Variants in SLCO3A1 observed in about 807,000 individuals in gnomAD.
SLCO3A1 encodes the protein PGE1 transporter.
A neutral mutation model predicts 63.1 loss-of-function variants in SLCO3A1; 27 were observed. The observed-to-expected ratio is 0.43, with a 90% confidence interval of 0.32 to 0.59. The LOEUF is 0.59. Among genes scored for constraint, SLCO3A1 ranks in the 20% least tolerant of loss-of-function variants. The pLI is 0.09. For missense variants in SLCO3A1, 773 were observed against 945.8 expected, an observed-to-expected ratio of 0.82 and a Z score of 2.40; for synonymous variants, 473 against 409.9, an observed-to-expected ratio of 1.15 and a Z score of -1.86.
chr15:92,168,665 T>C (rs1347533498), downstream of SLCO3A1, among the ~76,000 whole-genome samples: 4 of 152,136 alleles, frequency 2.6e-5, no homozygotes, highest in South Asian at 6.2e-4. Context: ...AGGGCATACA[T>C]AGGAAGGGAC....
At chr15:91,938,482 G>GTTTTTTTTTTTTT (rs71156621) in intron 2 of SLCO3A1, among the ~76,000 whole-genome samples, 1 of 136,248 alleles carries the variant, frequency 7.3e-6, no homozygotes, top group African/African-American at 2.7e-5. Flanking sequence ...GGTTTTTTTT[G>GTTTTTTTTTTTTT]TTTTTTTTTT....
chr15:92,044,628 G>A (rs562787242), intron 2 of SLCO3A1, among the ~76,000 whole-genome samples: 3 of 152,018 alleles, frequency 2.0e-5, no homozygotes, highest in Non-Finnish European at 4.4e-5. Flanking sequence ...AGGTCCATGT[G>A]TCTTCAGGTC....
chr15:91,988,446 GTTATT>G (rs1284828664), intron 2 of SLCO3A1, among the ~76,000 whole-genome samples: 5 of 152,074 alleles, frequency 3.3e-5, no homozygotes, highest in African/African-American at 1.2e-4. Flanking sequence ...ATTTTTAAAT[GTTATT>G]TTATTTTATT....
At chr15:92,120,090 C>G (rs1262380016) in intron 4 of SLCO3A1, among the ~76,000 whole-genome samples, 8 of 151,992 alleles carry the variant, frequency 5.3e-5, no homozygotes, top group African/African-American at 1.9e-4. Flanking sequence ...CACACACACA[C>G]ACACATTTTT....
rs1245676234 is a variant in SLCO3A1, at chr15:92,163,147, G to A, written c.*12G>A. 12 of 1,497,650 alleles carry A rather than the reference G, an allele frequency of 8.0e-6. No individual in the cohort carries two copies. Among genetic ancestry groups the A allele is most frequent in the Admixed American group, 2.4e-5 (1 of 41,910 alleles). 92.8% of individuals were successfully genotyped at this position (1,497,650 alleles called of 1,614,324 possible). A position where few individuals can be genotyped will look rare whatever the true frequency, so the allele number is the denominator to read the frequency against. ...AGTCCGTTTTATAGTGACTAAAGGAGGGCTGAACTCTGTATTAGTAATCCA... is the reference window on the plus strand; with the variant it reads ...AGTCCGTTTTATAGTGACTAAAGGAAGGCTGAACTCTGTATTAGTAATCCA... On this transcript the variant is annotated 3_prime_UTR_variant, in exon 10 of 10. Coordinates refer to ENST00000318445, the MANE Select transcript of SLCO3A1 (RefSeq NM_013272.4).
At chr15:92,148,586 A>G (rs1442210078) in intron 8 of SLCO3A1, among the ~76,000 whole-genome samples, 1 of 152,334 alleles carries the variant, frequency 6.6e-6, no homozygotes, top group Admixed American at 6.5e-5. Context: ...ACAAAATCAC[A>G]AATTGCTGGT....
At chr15:91,989,380 G>A (rs1016130353) in intron 2 of SLCO3A1, among the ~76,000 whole-genome samples, 30 of 152,194 alleles carry the variant, frequency 2.0e-4, no homozygotes, top group Non-Finnish European at 4.3e-4. Context: ...CTTACCTTCT[G>A]CAGTTTTGTG....
intron 7 of SLCO3A1, among the ~76,000 whole-genome samples, chr15:92,145,333 A>G (rs1428575727): frequency 2.0e-5 from 3 of 152,164 alleles, no homozygotes; most frequent in African/African-American, 7.2e-5. Context: ...GAGGAGTGGC[A>G]TTTTAAGTGA....
chr15:92,051,319 G>A (rs1341026546), intron 2 of SLCO3A1, among the ~76,000 whole-genome samples: 2 of 152,160 alleles, frequency 1.3e-5, no homozygotes, highest in African/African-American at 2.4e-5. Flanking sequence ...GCTAGGGAAT[G>A]TGTCACCCTT....
At chr15:92,072,958 G>A (rs1375833444) in intron 2 of SLCO3A1, among the ~76,000 whole-genome samples, 2 of 151,986 alleles carry the variant, frequency 1.3e-5, no homozygotes, top group South Asian at 2.1e-4. Flanking sequence ...AACCTTACAC[G>A]GGGCAGAAGA....
intron 2 of SLCO3A1, among the ~76,000 whole-genome samples, chr15:91,985,704 C>T (rs1460077278): frequency 2.0e-5 from 3 of 152,162 alleles, no homozygotes; most frequent in African/African-American, 7.2e-5. Flanking sequence ...TCACAGAGGG[C>T]CCTGCACTAG....
intron 5 of SLCO3A1, among the ~76,000 whole-genome samples, chr15:92,124,887 C>A (rs1373347511): frequency 6.6e-6 from 1 of 152,044 alleles, no homozygotes; most frequent in Non-Finnish European, 1.5e-5. Context: ...TTGGCCTGTC[C>A]TAGGGAGAGA....
At chr15:92,086,943 A>G (rs76875805) in intron 2 of SLCO3A1, among the ~76,000 whole-genome samples, 7,186 of 150,952 alleles carry the variant, frequency 0.048, 572 homozygotes, top group East Asian at 0.26. Flanking sequence ...AGATCAAGTC[A>G]CTTCACTCTA....
At chr15:91,910,710 T>C (rs2151376281) in intron 1 of SLCO3A1, among the ~76,000 whole-genome samples, 1 of 152,336 alleles carries the variant, frequency 6.6e-6, no homozygotes, top group Non-Finnish European at 1.5e-5. Flanking sequence ...GCTGCTCTGG[T>C]GTAAACATCC....
intron 2 of SLCO3A1, among the ~76,000 whole-genome samples, chr15:92,028,907 A>ATGTGTGTGTGTGTGTG: frequency 5.0e-5 from 1 of 20,090 alleles, no homozygotes; most frequent in Non-Finnish European, 8.4e-5. Context: ...CTGCAGGCAC[A>ATGTGTGTGTGTGTGTG]AGTGTGTGTG....
rs375162197 is a variant in SLCO3A1, at chr15:91,862,073, G to A, written c.180+7985G>A. On this transcript the variant is annotated intron_variant, in intron 1 of 9. Transcript: ENST00000318445. This position sits in a 1 kb window ranked among gnomAD's most constrained non-coding sequence, Gnocchi z 4.0. Reference sequence around the variant, plus strand: ...TTTCAGTACTCTCCTTTTCATGGACGTAATAGTCCAAGTGGCATTTTAAGT... The same window carrying A: ...TTTCAGTACTCTCCTTTTCATGGACATAATAGTCCAAGTGGCATTTTAAGT... 1.6e-4 allele frequency among the ~76,000 whole-genome samples: 25 copies of A among 152,216 alleles called. No homozygotes were observed. Among genetic ancestry groups the A allele is most frequent in the African/African-American group, 5.1e-4 (21 of 41,536 alleles).
At chr15:91,981,401 T>C (rs1277758191) in intron 2 of SLCO3A1, among the ~76,000 whole-genome samples, 62 of 152,108 alleles carry the variant, frequency 4.1e-4, no homozygotes, top group Admixed American at 4.0e-3. Context: ...TCATCTCTCT[T>C]TAGACTCCGC....
At chr15:92,088,783 C>T (rs573871760) in intron 2 of SLCO3A1, among the ~76,000 whole-genome samples, 2 of 152,308 alleles carry the variant, frequency 1.3e-5, no homozygotes, top group South Asian at 2.1e-4. Context: ...CCATTTCTGA[C>T]TCGGACTCCC....
chr15:91,863,486 C>T lies in SLCO3A1; in HGVS notation c.180+9398C>T, dbSNP rs1645262314. 6.6e-6 allele frequency among the ~76,000 whole-genome samples: 1 copy of T among 152,228 alleles called. No homozygotes were observed. The highest frequency in any genetic ancestry group is 2.1e-4 in the South Asian group (1 of 4,836). ...TTTGGCCGTTTCATTTCTCAGAGTG[C>T]TGCTGTGATAGCACTTGGAATTTAC... On this transcript the variant is annotated intron_variant, in intron 1 of 9. Transcript: ENST00000318445. This position sits in a 1 kb window ranked among gnomAD's most constrained non-coding sequence, Gnocchi z 4.3.
Sources: allele counts gnomAD v4.1 joint callset (sites outside exome capture counted in the v4.1 genomes callset), GRCh38; gene constraint gnomAD v4.1.1; non-coding constraint Gnocchi (gnomAD v3.1); transcripts MANE v1.5; gene names NCBI Gene and HGNC (gene_info 2026-07-23, HGNC 2026-07-21).